THSD4: variants seen among roughly 807,000 people sequenced by gnomAD.
THSD4 encodes the protein thrombospondin type 1 domain containing 4.
THSD4 carries 69 observed loss-of-function variants against 119.0 expected under a neutral mutation model. The ratio of observed to expected loss-of-function variants is 0.58; its 90% CI spans 0.48 to 0.71. The LOEUF (loss-of-function observed/expected upper bound fraction) is 0.71. Among genes scored for constraint, THSD4 ranks in the 30% least tolerant of loss-of-function variants. THSD4 has a pLI of 0.00. For missense variants in THSD4, 1,393 were observed against 1,391.1 expected, an observed-to-expected ratio of 1.00 and a Z score of -0.02; for synonymous variants, 524 against 540.4, an observed-to-expected ratio of 0.97 and a Z score of 0.42.
intron 7 of THSD4, among the ~76,000 whole-genome samples, chr15:71,450,390 A>G (rs1030124954): frequency 6.6e-6 from 1 of 152,030 alleles, no homozygotes; most frequent in Non-Finnish European, 1.5e-5. Context: ...ATGCCCACTC[A>G]GAGAGGGTTG....
intron 7 of THSD4, among the ~76,000 whole-genome samples, chr15:71,423,252 CAGA>C (rs1441743891): frequency 7.9e-5 from 12 of 152,298 alleles, no homozygotes; most frequent in African/African-American, 2.9e-4. Flanking sequence ...TTTTCTCAAG[CAGA>C]AGGAGTTTCT....
chr15:71,681,093 T>C (rs2051766439), intron 8 of THSD4, among the ~76,000 whole-genome samples: 2 of 151,800 alleles, frequency 1.3e-5, no homozygotes, highest in Admixed American at 1.3e-4. Context: ...AATTTTTGTA[T>C]TTTAGTAGAG....
In THSD4 at chr15:71,284,384, C is replaced by T. The variant is rs1276117297; in HGVS notation, c.1015+27669C>T. On this transcript the variant is annotated intron_variant, in intron 6 of 17. Coordinates refer to ENST00000261862, the MANE Select transcript of THSD4 (RefSeq NM_024817.3). ...TATATTGAGAACAGAAATTCATACACATAAGTGTTGGGGCATTCCACACAG... is the reference window on the plus strand; with the variant it reads ...TATATTGAGAACAGAAATTCATACATATAAGTGTTGGGGCATTCCACACAG... Among the ~76,000 whole-genome samples, 10 of 152,290 alleles carry T rather than the reference C, an allele frequency of 6.6e-5. 1 individual carries two copies. In the Middle Eastern group the frequency reaches 0.014, roughly 207 times the overall value.
At chr15:71,422,609 C>A (rs894443500) in intron 7 of THSD4, among the ~76,000 whole-genome samples, 1 of 152,204 alleles carries the variant, frequency 6.6e-6, no homozygotes, top group African/African-American at 2.4e-5. Flanking sequence ...CCTGTGGCCA[C>A]CACCACTGGG....
At chr15:71,561,776 C>T (rs527608087) in intron 7 of THSD4, among the ~76,000 whole-genome samples, 2 of 152,094 alleles carry the variant, frequency 1.3e-5, no homozygotes, top group East Asian at 3.9e-4. Context: ...CTACAAGTGT[C>T]CATACCCTCC....
intron 4 of THSD4, among the ~76,000 whole-genome samples, chr15:71,223,098 T>C (rs777287650): frequency 3.9e-5 from 6 of 152,224 alleles, no homozygotes; most frequent in Non-Finnish European, 8.8e-5. Flanking sequence ...CCAGACACAC[T>C]GGCAGTTGTT....
intron 7 of THSD4, among the ~76,000 whole-genome samples, chr15:71,508,211 G>A (rs2048222089): frequency 6.6e-6 from 1 of 152,082 alleles, no homozygotes. Context: ...TCTACCTACT[G>A]GAGTCTCAGG....
At chr15:71,656,845 A>G (rs2051201402) in intron 7 of THSD4, among the ~76,000 whole-genome samples, 2 of 152,194 alleles carry the variant, frequency 1.3e-5, no homozygotes, top group African/African-American at 2.4e-5. Context: ...ATGGAAAAAC[A>G]TATATGTTTC....
intron 8 of THSD4, among the ~76,000 whole-genome samples, chr15:71,677,423 A>G (rs1384154835): frequency 2.0e-5 from 3 of 152,214 alleles, no homozygotes; most frequent in African/African-American, 7.2e-5. Flanking sequence ...TTCCATGCCA[A>G]AGAGACTGTG....
intron 7 of THSD4, among the ~76,000 whole-genome samples, chr15:71,563,805 T>C (rs1322354830): frequency 6.6e-6 from 1 of 152,124 alleles, no homozygotes; most frequent in African/African-American, 2.4e-5. Context: ...CCCATCTCCT[T>C]TAAGTATATT....
chr15:71,275,686 C>CTGTT (rs963306809), intron 6 of THSD4, among the ~76,000 whole-genome samples: 4 of 152,160 alleles, frequency 2.6e-5, no homozygotes, highest in African/African-American at 9.7e-5. Context: ...TAATCCCCAC[C>CTGTT]TGTTATGGGA....
At chr15:71,180,944 A>T (rs546941275) in intron 3 of THSD4, among the ~76,000 whole-genome samples, 2 of 152,256 alleles carry the variant, frequency 1.3e-5, no homozygotes, top group Admixed American at 6.5e-5. Context: ...AAAAAAAAAG[A>T]GGAGAAGGAA....
intron 7 of THSD4, among the ~76,000 whole-genome samples, chr15:71,562,844 A>G (rs2049151640): frequency 6.6e-6 from 1 of 152,060 alleles, no homozygotes; most frequent in Non-Finnish European, 1.5e-5. Context: ...CTGGGATTGC[A>G]GGCATGTGCC....
intron 10 of THSD4, 27 bp downstream of exon 10, chr15:71,731,244 G>A (rs1035077076): frequency 3.1e-6 from 5 of 1,603,364 alleles, no homozygotes; most frequent in Non-Finnish European, 8.5e-7. Context: ...TGTGGCCGGG[G>A]ACTCTGGTCA....
chr15:71,342,410 A>G (rs2045593309), intron 6 of THSD4: 1 of 153,436 alleles, frequency 6.5e-6, no homozygotes, highest in Non-Finnish European at 1.4e-5. Context: ...GTCAGAGGAC[A>G]GCCTGAAAAC....
chr15:71,528,111 C>G (rs977286232), intron 7 of THSD4, among the ~76,000 whole-genome samples: 3 of 152,182 alleles, frequency 2.0e-5, no homozygotes, highest in Non-Finnish European at 4.4e-5. Flanking sequence ...CTCTCTTGCT[C>G]TCAGACAAAT....
At chr15:71,542,343 C>G (rs140127263) in intron 7 of THSD4, among the ~76,000 whole-genome samples, 26 of 152,140 alleles carry the variant, frequency 1.7e-4, no homozygotes, top group African/African-American at 6.0e-4. Context: ...GATCTTAATT[C>G]TATGGGATTT....
At chr15:71,557,750 A>G (rs770628306) in intron 7 of THSD4, among the ~76,000 whole-genome samples, 2 of 152,190 alleles carry the variant, frequency 1.3e-5, no homozygotes, top group African/African-American at 4.8e-5. Flanking sequence ...TTTCCAGTTT[A>G]TTAACATAAA....
intron 7 of THSD4, among the ~76,000 whole-genome samples, chr15:71,651,808 G>C (rs1025456889): frequency 2.6e-5 from 4 of 152,062 alleles, no homozygotes; most frequent in Non-Finnish European, 5.9e-5. Flanking sequence ...TGTTAATGTT[G>C]GATCACTGCT....
Sources: gnomAD v4.1 joint callset for allele counts (sites outside exome capture counted in the v4.1 genomes callset) on GRCh38, gnomAD v4.1.1 for gene constraint, MANE v1.5 for transcripts, NCBI Gene and HGNC (gene_info 2026-07-23, HGNC 2026-07-21) for gene names.